The following SNCAIP variants were observed in gnomAD, a reference collection of about 807,000 sequenced individuals.
The protein encoded by SNCAIP is synuclein alpha interacting protein.
In SNCAIP, 43 loss-of-function variants were observed where a neutral mutation model predicts 86.7. That is an observed-to-expected ratio of 0.50 (90% confidence interval 0.39 to 0.64). The LOEUF is 0.64. Ranked by LOEUF, SNCAIP falls within the 30% of genes least tolerant of loss-of-function variation. The pLI is 0.00. For synonymous variants in SNCAIP, 417 were observed against 427.2 expected (o/e 0.98, Z 0.29); for missense variants, 981 against 1,103.1 (o/e 0.89, Z 1.57).
In SNCAIP at chr5:122,394,757, T is replaced by C. The variant is rs756632726; in HGVS notation, c.57+3566T>C. Among the ~76,000 whole-genome samples, 104 of 152,228 alleles carry C rather than the reference T, an allele frequency of 6.8e-4. 1 individual carries two copies. Among genetic ancestry groups the C allele is most frequent in the Non-Finnish European group, 2.4e-4 (16 of 68,034 alleles). On this transcript the variant is annotated intron_variant, in intron 2 of 10. Coordinates refer to ENST00000261368, the MANE Select transcript of SNCAIP (RefSeq NM_005460.4). ...ACACAGGACTAAAGAAAGCAGAGGC[T>C]GAACTCTGGATCTCCTGAGGAGCTC...
chr5:122,433,850 CA>C lies in SNCAIP; in HGVS notation c.1296+1770del, dbSNP rs575279753. On this transcript the variant is annotated intron_variant, in intron 6 of 10. Transcript: ENST00000261368. ...TACACATTCTGTAGAAACCATACAT[CA>C]AGTTTGAATTTCGATCATTTCCTAG... Among the ~76,000 whole-genome samples, 290 of 152,246 alleles carry C rather than the reference CA, an allele frequency of 1.9e-3. 2 individuals carry two copies. Among genetic ancestry groups the C allele is most frequent in the African/African-American group, 6.7e-3 (279 of 41,558 alleles).
intron 1 of SNCAIP, among the ~76,000 whole-genome samples, chr5:122,339,699 T>C (rs1236781999): frequency 6.6e-6 from 1 of 152,246 alleles, no homozygotes. Context: ...TTTTATAACA[T>C]TTTTAACAGA....
At chr5:122,400,703 G>T (rs538550081) in intron 2 of SNCAIP, among the ~76,000 whole-genome samples, 37 of 152,314 alleles carry the variant, frequency 2.4e-4, no homozygotes, top group African/African-American at 8.2e-4. Context: ...GGAGGGCATT[G>T]CATGAATGGG....
At chr5:122,428,238 C>T (rs1013984884) in intron 5 of SNCAIP, among the ~76,000 whole-genome samples, 12 of 152,040 alleles carry the variant, frequency 7.9e-5, no homozygotes, top group Non-Finnish European at 1.5e-4. Flanking sequence ...CTTACTGATA[C>T]CCCCTTGCTG....
At chr5:122,408,773 G>A (rs1773532811) in intron 3 of SNCAIP, among the ~76,000 whole-genome samples, 1 of 152,162 alleles carries the variant, frequency 6.6e-6, no homozygotes, top group African/African-American at 2.4e-5. Flanking sequence ...GTGCTATTGA[G>A]GTTTCTGAGT....
chr5:122,355,551 G>A (rs1177342437), intron 1 of SNCAIP, among the ~76,000 whole-genome samples: 1 of 152,162 alleles, frequency 6.6e-6, no homozygotes, highest in Non-Finnish European at 1.5e-5. Context: ...CAACATGCCA[G>A]TGTTTCCTCT....
chr5:122,378,680 C>T (rs1472972685), intron 1 of SNCAIP, among the ~76,000 whole-genome samples: 12 of 127,710 alleles, frequency 9.4e-5, no homozygotes, highest in Admixed American at 1.5e-4. Context: ...TTAGGTCTAA[C>T]GTTTAAGTCT....
At chr5:122,387,545 G>C (rs975548802) in intron 1 of SNCAIP, among the ~76,000 whole-genome samples, 7 of 152,210 alleles carry the variant, frequency 4.6e-5, no homozygotes, top group African/African-American at 7.2e-5. Flanking sequence ...GGCCTCAGTA[G>C]GTTGGCTCTC....
chr5:122,340,805 A>T (rs1018293060), intron 1 of SNCAIP, among the ~76,000 whole-genome samples: 2 of 152,372 alleles, frequency 1.3e-5, no homozygotes, highest in African/African-American at 4.8e-5. Context: ...GAAATTTTAG[A>T]GTAAATTTTA....
intron 1 of SNCAIP, among the ~76,000 whole-genome samples, chr5:122,332,506 C>T (rs1012672351): frequency 3.3e-5 from 5 of 152,190 alleles, no homozygotes; most frequent in African/African-American, 1.2e-4. Context: ...TACTTATTTC[C>T]ATGGACTTAG....
chr5:122,458,268 C>G (rs952204798), intron 10 of SNCAIP, among the ~76,000 whole-genome samples: 1 of 152,158 alleles, frequency 6.6e-6, no homozygotes, highest in Admixed American at 6.6e-5. Flanking sequence ...ACACCAAAAT[C>G]TTCCCACCAG....
At chr5:122,398,083 G>A (rs1771001314) in intron 2 of SNCAIP, among the ~76,000 whole-genome samples, 1 of 152,098 alleles carries the variant, frequency 6.6e-6, no homozygotes, top group South Asian at 2.1e-4. Context: ...GCAGAGATGA[G>A]GAAATAGAAA....
chr5:122,459,678 G>A (rs1785647389), intron 10 of SNCAIP, among the ~76,000 whole-genome samples: 1 of 152,124 alleles, frequency 6.6e-6, no homozygotes, highest in African/African-American at 2.4e-5. Flanking sequence ...TTTGACCACA[G>A]CACCTCTTAT....
At chr5:122,436,836 G>A (rs1043591751) in intron 6 of SNCAIP, 3 of 152,112 alleles carry the variant, frequency 2.0e-5, no homozygotes, top group African/African-American at 7.2e-5. Context: ...AACTTGCATT[G>A]CCCTTAGGAA....
Position 122,355,452 on chromosome 5 carries a change from A to G in SNCAIP, c.-46-35637A>G, listed in dbSNP as rs558501982. 3.0e-4 allele frequency among the ~76,000 whole-genome samples: 46 copies of G among 152,276 alleles called. No individual in the cohort carries two copies. The South Asian group carries it at 4.8e-3, about 16-fold the overall frequency. On this transcript the variant is annotated intron_variant, in intron 1 of 10. Transcript: ENST00000261368. Reference sequence around the variant, plus strand: ...CATCTTATAAGGTAATTAGGTGATAAACCCCGGGTGTGAGGCAAAAATTGT... The same window carrying G: ...CATCTTATAAGGTAATTAGGTGATAGACCCCGGGTGTGAGGCAAAAATTGT...
intron 1 of SNCAIP, among the ~76,000 whole-genome samples, chr5:122,346,575 G>A (rs1330665597): frequency 6.6e-6 from 1 of 151,984 alleles, no homozygotes; most frequent in Non-Finnish European, 1.5e-5. Context: ...GGAGAAGACA[G>A]TTTTACCAAT....
chr5:122,327,323 GT>G (rs1754307278), intron 1 of SNCAIP, among the ~76,000 whole-genome samples: 1 of 152,078 alleles, frequency 6.6e-6, no homozygotes, highest in Admixed American at 6.5e-5. Context: ...GTAGGCATAG[GT>G]TCTTTAGAGT....
chr5:122,452,452 G>C (rs535538655), intron 10 of SNCAIP, among the ~76,000 whole-genome samples: 1 of 152,266 alleles, frequency 6.6e-6, no homozygotes, highest in East Asian at 1.9e-4. Flanking sequence ...CAGAATCTTT[G>C]TAATTTATCA....
At chr5:122,380,018 C>T (rs893325562) in intron 1 of SNCAIP, among the ~76,000 whole-genome samples, 7 of 151,700 alleles carry the variant, frequency 4.6e-5, no homozygotes, top group African/African-American at 1.7e-4. Context: ...GGTTGTGTCT[C>T]TGCCCGGCTT....
Sources: gnomAD v4.1 joint callset for allele counts (sites outside exome capture counted in the v4.1 genomes callset) on GRCh38, gnomAD v4.1.1 for gene constraint, MANE v1.5 for transcripts, NCBI Gene and HGNC (gene_info 2026-07-23, HGNC 2026-07-21) for gene names.